Variants in TNNI3K observed in about 807,000 individuals in gnomAD.
TNNI3K encodes the protein TNNI3 interacting kinase, also known as serine/threonine-protein kinase TNNI3K.
Under a neutral mutation model 114.5 loss-of-function variants are expected in TNNI3K, and 140 were observed. That is an observed-to-expected ratio of 1.22 (90% CI 1.07 to 1.41). TNNI3K has a LOEUF of 1.41. Ranked by LOEUF, TNNI3K falls within the 40% of genes most tolerant of loss-of-function variation. The probability of loss-of-function intolerance (pLI) is 0.00; values close to 1 mark genes in which losing one functional copy is unlikely to be tolerated. For missense variants in TNNI3K, 1,125 were observed against 1,007.6 expected, an observed-to-expected ratio of 1.12 and a Z score of -1.58; for synonymous variants, 347 against 347.5, an observed-to-expected ratio of 1.00 and a Z score of 0.02.
intron 17 of TNNI3K, among the ~76,000 whole-genome samples, chr1:74,408,398 G>A (rs1357028858): frequency 6.6e-6 from 1 of 152,108 alleles, no homozygotes; most frequent in African/African-American, 2.4e-5. Context: ...AATATTGCTG[G>A]CTTCATAGCA....
intron 2 of TNNI3K, chr1:74,240,278 G>A (rs1654107848): frequency 5.4e-6 from 1 of 184,200 alleles, no homozygotes; most frequent in African/African-American, 2.3e-5. Context: ...TTGTGCATCA[G>A]CTTATATAAT....
intron 24 of TNNI3K, among the ~76,000 whole-genome samples, chr1:74,543,492 C>T (rs1646751816): frequency 6.6e-6 from 1 of 152,162 alleles, no homozygotes; most frequent in African/African-American, 2.4e-5. Context: ...TATTGTTTCT[C>T]CCATTTACAG....
intron 2 of TNNI3K, among the ~76,000 whole-genome samples, chr1:74,238,425 T>G (rs939996151): frequency 3.3e-5 from 5 of 151,990 alleles, no homozygotes; most frequent in African/African-American, 1.2e-4. Context: ...CATTGAGTAG[T>G]TGGAAATTTC....
At chr1:74,254,913 G>C (rs998887010) in intron 4 of TNNI3K, among the ~76,000 whole-genome samples, 1 of 152,022 alleles carries the variant, frequency 6.6e-6, no homozygotes, top group Admixed American at 6.6e-5. Context: ...CTGCTGCAAG[G>C]GTTTGTGATA....
intron 5 of TNNI3K, among the ~76,000 whole-genome samples, chr1:74,287,258 T>C (rs556492737): frequency 6.6e-6 from 1 of 151,916 alleles, no homozygotes; most frequent in Non-Finnish European, 1.5e-5. Context: ...ATTATTGAGG[T>C]CCAAGAAGAA....
intron 17 of TNNI3K, among the ~76,000 whole-genome samples, chr1:74,405,573 G>T (rs1664575317): frequency 6.6e-6 from 1 of 152,122 alleles, no homozygotes; most frequent in Non-Finnish European, 1.5e-5. Flanking sequence ...GCACTTAAAA[G>T]ACTTCATGAC....
intron 23 of TNNI3K, among the ~76,000 whole-genome samples, chr1:74,524,578 G>C (rs1006909346): frequency 6.6e-6 from 1 of 152,108 alleles, no homozygotes; most frequent in Non-Finnish European, 1.5e-5. Flanking sequence ...CATTTTTCTT[G>C]GTTCTAAGAG....
intron 4 of TNNI3K, among the ~76,000 whole-genome samples, chr1:74,256,400 T>A (rs1242337461): frequency 6.6e-6 from 1 of 151,320 alleles, no homozygotes; most frequent in Non-Finnish European, 1.5e-5. Context: ...GAATAGGTTT[T>A]TATGTGCTTA....
At chr1:74,264,822 A>G (rs181838428) in intron 4 of TNNI3K, among the ~76,000 whole-genome samples, 15 of 152,200 alleles carry the variant, frequency 9.9e-5, no homozygotes, top group East Asian at 1.9e-4. Context: ...AAGTAGGCCA[A>G]TCTTGGGGGT....
At chr1:74,401,545 C>T (rs555878088) in intron 17 of TNNI3K, among the ~76,000 whole-genome samples, 2 of 152,124 alleles carry the variant, frequency 1.3e-5, no homozygotes, top group Non-Finnish European at 2.9e-5. Flanking sequence ...ATAATCCATA[C>T]TCCATTTGAA....
intron 20 of TNNI3K, among the ~76,000 whole-genome samples, chr1:74,449,298 T>C (rs893066174): frequency 1.3e-5 from 2 of 151,412 alleles, no homozygotes; most frequent in East Asian, 3.9e-4. Flanking sequence ...TTCTGTGGGA[T>C]CGGTGGTGAT....
intron 11 of TNNI3K, among the ~76,000 whole-genome samples, chr1:74,355,430 C>A (rs932531621): frequency 1.3e-5 from 2 of 151,904 alleles, no homozygotes; most frequent in African/African-American, 4.8e-5. Context: ...ATGGTGAAAC[C>A]CTGTCTCTAC....
intron 17 of TNNI3K, among the ~76,000 whole-genome samples, chr1:74,400,005 G>A (rs1664280544): frequency 6.6e-6 from 1 of 152,152 alleles, no homozygotes; most frequent in South Asian, 2.1e-4. Context: ...GCTGGAATGA[G>A]GTCTAGTGGA....
At chr1:74,482,382 T>A (rs1668547902) in intron 21 of TNNI3K, among the ~76,000 whole-genome samples, 1 of 152,240 alleles carries the variant, frequency 6.6e-6, no homozygotes, top group African/African-American at 2.4e-5. Context: ...AGACATCAAC[T>A]GTCTCTGATC....
chr1:74,360,227 T>C (rs1163016204), intron 11 of TNNI3K, among the ~76,000 whole-genome samples: 1 of 151,966 alleles, frequency 6.6e-6, no homozygotes, highest in African/African-American at 2.4e-5. Context: ...CTGAGAGATA[T>C]ATTCAAGGTG....
intron 21 of TNNI3K, among the ~76,000 whole-genome samples, chr1:74,473,558 T>C (rs1479567674): frequency 6.6e-6 from 1 of 151,782 alleles, no homozygotes; most frequent in Non-Finnish European, 1.5e-5. Flanking sequence ...TTTAACATTG[T>C]TAGGTGTTAG....
At chr1:74,500,976 T>G (rs1334185138) in intron 23 of TNNI3K, among the ~76,000 whole-genome samples, 2 of 152,206 alleles carry the variant, frequency 1.3e-5, no homozygotes, top group African/African-American at 4.8e-5. Context: ...ACTTGTGATA[T>G]ATTATGTTTC....
In TNNI3K at chr1:74,404,260, C is replaced by T. The variant is rs966563255; in HGVS notation, c.1773-31820C>T. Reference sequence around the variant, plus strand: ...TCCCCAAACCTATCAAGACCCACAACCTTAGGAAATATTGGCTCAATATTG... The same window carrying T: ...TCCCCAAACCTATCAAGACCCACAATCTTAGGAAATATTGGCTCAATATTG... On this transcript the variant is annotated intron_variant, in intron 17 of 24. Coordinates refer to ENST00000326637, the MANE Select transcript of TNNI3K (RefSeq NM_015978.3). Among the ~76,000 whole-genome samples the T allele has an allele frequency of 8.5e-5, 13 of 152,082 alleles. No individual in the cohort carries two copies. The South Asian group carries it at 1.4e-3, about 17-fold the overall frequency.
chr1:74,344,711 G>T (rs1416155463), intron 9 of TNNI3K, among the ~76,000 whole-genome samples: 3 of 152,146 alleles, frequency 2.0e-5, no homozygotes, highest in Admixed American at 2.0e-4. Context: ...TAATCAGAGG[G>T]TGACTGTCAC....
Sources: allele counts gnomAD v4.1 joint callset (sites outside exome capture counted in the v4.1 genomes callset), GRCh38; gene constraint gnomAD v4.1.1; transcripts MANE v1.5; gene names NCBI Gene and HGNC (gene_info 2026-07-23, HGNC 2026-07-21).